AFG2A: variants seen among roughly 807,000 people sequenced by gnomAD.
AFG2A encodes AAA ATPase AFG2A.
chr4:122,985,087 T>G, the AFG2A span, among the ~76,000 whole-genome samples: 1 of 152,042 alleles, frequency 6.6e-6, no homozygotes, highest in Non-Finnish European at 1.5e-5. Context: ...TGAATCCATC[T>G]AGTCTTGGAC....
At chr4:123,059,897 ATGGCC>A in the AFG2A span, among the ~76,000 whole-genome samples, 1 of 152,112 alleles carries the variant, frequency 6.6e-6, no homozygotes, top group African/African-American at 2.4e-5. Context: ...CATTTCTCTG[ATGGCC>A]AGTGATGGTG....
chr4:123,063,989 G>T, the AFG2A span, among the ~76,000 whole-genome samples: 1,608 of 152,250 alleles, frequency 0.011, 30 homozygotes, highest in African/African-American at 0.036. Flanking sequence ...AGTCATTGAA[G>T]TCTTTGTATT....
At chr4:123,145,353 TG>T in the AFG2A span, among the ~76,000 whole-genome samples, 92,450 of 151,854 alleles carry the variant, frequency 0.61, 32,992 homozygotes, top group East Asian at 0.97. Context: ...GCCTTAAAGT[TG>T]GCTTCAGTTT....
At chr4:122,927,495 T>C in the AFG2A span, 2 of 744,652 alleles carry the variant, frequency 2.7e-6, no homozygotes, top group Non-Finnish European at 4.0e-6. Context: ...TAACAAAAGT[T>C]GGAACACTAG....
the AFG2A span, among the ~76,000 whole-genome samples, chr4:123,061,683 TG>T: frequency 6.6e-5 from 10 of 152,332 alleles, no homozygotes; most frequent in African/African-American, 2.4e-4. Flanking sequence ...CCAGCTGCCC[TG>T]CTTTCCACCC....
chr4:123,064,074 T>G, the AFG2A span, among the ~76,000 whole-genome samples: 3 of 152,216 alleles, frequency 2.0e-5, no homozygotes, highest in African/African-American at 7.2e-5. Flanking sequence ...TTTGCCCTGT[T>G]TAATAGATTC....
the AFG2A span, among the ~76,000 whole-genome samples, chr4:123,106,317 A>G: frequency 6.6e-6 from 1 of 152,204 alleles, no homozygotes; most frequent in East Asian, 1.9e-4. Context: ...TTTTATATAT[A>G]TTGGTAAATT....
chr4:123,281,396 G>A, the AFG2A span, among the ~76,000 whole-genome samples: 1 of 152,064 alleles, frequency 6.6e-6, no homozygotes, highest in Admixed American at 6.6e-5. Context: ...AGTGACATTT[G>A]GGGTATTAAA....
the AFG2A span, among the ~76,000 whole-genome samples, chr4:122,938,954 T>A: frequency 6.6e-6 from 1 of 151,974 alleles, no homozygotes; most frequent in South Asian, 2.1e-4. Context: ...ACAAATGGAC[T>A]CTTTCAAGGC....
chr4:123,312,309 AAG>A, the AFG2A span, among the ~76,000 whole-genome samples: 1,074 of 152,316 alleles, frequency 7.1e-3, 5 homozygotes, highest in Middle Eastern at 0.048. Flanking sequence ...AGGAGAGAGA[AAG>A]AGAGCTCCGT....
the AFG2A span, among the ~76,000 whole-genome samples, chr4:123,300,788 G>A: frequency 6.6e-6 from 1 of 151,020 alleles, no homozygotes; most frequent in Non-Finnish European, 1.5e-5. Context: ...ATAAGACACA[G>A]GTGTTTAGGT....
the AFG2A span, among the ~76,000 whole-genome samples, chr4:122,978,082 C>T: frequency 6.6e-6 from 1 of 151,762 alleles, no homozygotes; most frequent in Non-Finnish European, 1.5e-5. Flanking sequence ...GAGAGGAGAC[C>T]AGAATGGGTA....
At chr4:123,280,367 C>T in the AFG2A span, among the ~76,000 whole-genome samples, 23 of 152,052 alleles carry the variant, frequency 1.5e-4, no homozygotes, top group Admixed American at 2.0e-4. Flanking sequence ...TAATAAAGTT[C>T]GGTTCCTTTA....
chr4:123,218,677 AT>A, the AFG2A span, among the ~76,000 whole-genome samples: 1 of 152,094 alleles, frequency 6.6e-6, no homozygotes, highest in Non-Finnish European at 1.5e-5. Flanking sequence ...ACATACATAC[AT>A]ACATACATAC....
At chr4:123,155,345 T>C in the AFG2A span, among the ~76,000 whole-genome samples, 1 of 152,172 alleles carries the variant, frequency 6.6e-6, no homozygotes, top group African/African-American at 2.4e-5. Context: ...TGACCAGTGC[T>C]AGGGTTACAA....
chr4:123,173,641 A>G, the AFG2A span, among the ~76,000 whole-genome samples: 1 of 152,216 alleles, frequency 6.6e-6, no homozygotes, highest in Non-Finnish European at 1.5e-5. Context: ...GGCCTGAGCC[A>G]CTGCACCCAG....
chr4:123,158,469 G>T, the AFG2A span, among the ~76,000 whole-genome samples: 2 of 152,152 alleles, frequency 1.3e-5, no homozygotes, highest in Non-Finnish European at 2.9e-5. Flanking sequence ...ACTAAGCTAT[G>T]TATTAATTTA....
chr4:123,078,946 G>T, the AFG2A span, among the ~76,000 whole-genome samples: 1 of 152,148 alleles, frequency 6.6e-6, no homozygotes, highest in South Asian at 2.1e-4. Context: ...GGAACTTTTT[G>T]AAGTGTCCAG....
At chr4:123,256,936 A>G in the AFG2A span, 8 of 715,622 alleles carry the variant, frequency 1.1e-5, no homozygotes, top group Non-Finnish European at 1.2e-5. Flanking sequence ...CTCGACACAG[A>G]AATAGCATCT....
Sources: gnomAD v4.1 joint callset for allele counts (sites outside exome capture counted in the v4.1 genomes callset) on GRCh38, gnomAD v4.1.1 for gene constraint, MANE v1.5 for transcripts, NCBI Gene and HGNC (gene_info 2026-07-23, HGNC 2026-07-21) for gene names.